The following IL1RAP variants were observed in gnomAD, a reference collection of about 807,000 sequenced individuals.
IL1RAP encodes the protein interleukin-1 receptor accessory protein.
IL1RAP carries 35 observed loss-of-function variants against 60.7 expected under a neutral mutation model. The ratio of observed to expected loss-of-function variants is 0.58; its 90% CI spans 0.44 to 0.76. The LOEUF (loss-of-function observed/expected upper bound fraction) is 0.76. Among genes scored for constraint, IL1RAP ranks in the 30% least tolerant of loss-of-function variants. The pLI, the probability that IL1RAP is intolerant of heterozygous loss-of-function variation, is 0.00. For synonymous variants in IL1RAP, 268 were observed against 250.9 expected, an observed-to-expected ratio of 1.07 and a Z score of -0.64; for missense variants, 572 against 693.9, an observed-to-expected ratio of 0.82 and a Z score of 1.97.
intron 3 of IL1RAP, among the ~76,000 whole-genome samples, chr3:190,601,825 G>C (rs1729888125): frequency 6.6e-6 from 1 of 151,994 alleles, no homozygotes; most frequent in African/African-American, 2.4e-5. Flanking sequence ...CCAGCTGCCA[G>C]CTGGGGTGTC....
At chr3:190,622,860 A>T (rs1410445713) in intron 6 of IL1RAP, among the ~76,000 whole-genome samples, 1 of 152,088 alleles carries the variant, frequency 6.6e-6, no homozygotes, top group Admixed American at 6.5e-5. Flanking sequence ...ACACTCCCAA[A>T]CTTCCAGGGA....
intron 9 of IL1RAP, among the ~76,000 whole-genome samples, chr3:190,634,430 A>G (rs1733031779): frequency 6.6e-6 from 1 of 151,496 alleles, no homozygotes; most frequent in Non-Finnish European, 1.5e-5. Flanking sequence ...CTGGGATTAG[A>G]GGCACCCGCC....
At chr3:190,518,868 G>C (rs2108589159) in intron 1 of IL1RAP, 1 of 152,372 alleles carries the variant, frequency 6.6e-6, no homozygotes, top group Non-Finnish European at 1.5e-5. Flanking sequence ...AATTATGGGA[G>C]CTACAAGATG....
intron 9 of IL1RAP, among the ~76,000 whole-genome samples, chr3:190,642,907 T>TA (rs1733761606): frequency 2.0e-5 from 3 of 152,160 alleles, no homozygotes; most frequent in African/African-American, 7.2e-5. Flanking sequence ...ATACTGTTCC[T>TA]CCTTCAAACA....
intron 8 of IL1RAP, 43 bp from the exon 9 acceptor site, chr3:190,629,307 G>T (rs778304059): frequency 7.1e-6 from 10 of 1,418,264 alleles, no homozygotes; most frequent in Non-Finnish European, 9.8e-6. Context: ...CATAGCTCTT[G>T]AGTCACTCTC....
Position 190,650,293 on chromosome 3 carries a change from T to C in IL1RAP, c.*1588T>C. 1.0e-6 allele frequency: 1 copy of C among 985,182 alleles called. No homozygotes were observed. 61.0% of individuals were successfully genotyped at this position (985,182 alleles called of 1,614,324 possible). On this transcript the variant is annotated 3_prime_UTR_variant, in exon 12 of 12. Transcript: ENST00000447382. ...TAAGTTTATATAAATAACTTAAGTA[T>C]TGCTACAGTTTATCTAGGTTGCAGT...
chr3:190,581,082 G>C (rs1025208952), intron 3 of IL1RAP, among the ~76,000 whole-genome samples: 2 of 152,142 alleles, frequency 1.3e-5, no homozygotes, highest in Admixed American at 1.3e-4. Flanking sequence ...TCAGTAAAGT[G>C]GCATTCGAGT....
intron 1 of IL1RAP, among the ~76,000 whole-genome samples, chr3:190,514,802 T>G (rs1721364589): frequency 6.6e-6 from 1 of 152,288 alleles, no homozygotes; most frequent in Non-Finnish European, 1.5e-5. Flanking sequence ...CGGGCGCCAG[T>G]GACCTCCTAT....
At chr3:190,599,648 ATTTTGTT>A (rs369990292) in intron 3 of IL1RAP, among the ~76,000 whole-genome samples, 5 of 144,270 alleles carry the variant, frequency 3.5e-5, no homozygotes, top group African/African-American at 1.3e-4. Flanking sequence ...CAGTTCTCAG[ATTTTGTT>A]TTTTTTCTGT....
intron 1 of IL1RAP, among the ~76,000 whole-genome samples, chr3:190,531,211 A>G (rs1337975209): frequency 6.6e-6 from 1 of 152,088 alleles, no homozygotes; most frequent in African/African-American, 2.4e-5. Flanking sequence ...GGACTGTGCC[A>G]CCGTACTCTA....
intron 9 of IL1RAP, among the ~76,000 whole-genome samples, chr3:190,643,103 G>A (rs1205613516): frequency 6.6e-6 from 1 of 152,086 alleles, no homozygotes; most frequent in East Asian, 1.9e-4. Context: ...GACTGTAAAG[G>A]TATAGTTAAT....
chr3:190,515,009 A>G (rs1396846593), intron 1 of IL1RAP, among the ~76,000 whole-genome samples: 1 of 152,204 alleles, frequency 6.6e-6, no homozygotes, highest in Non-Finnish European at 1.5e-5. Flanking sequence ...TTCCTTTAAG[A>G]GCTAGCCCAC....
intron 1 of IL1RAP, among the ~76,000 whole-genome samples, chr3:190,543,709 A>C (rs1724135562): frequency 6.6e-6 from 1 of 152,178 alleles, no homozygotes; most frequent in Non-Finnish European, 1.5e-5. Context: ...GATCTGTAGC[A>C]ATATCTCTAT....
chr3:190,543,716 C>A (rs1724136120), intron 1 of IL1RAP, among the ~76,000 whole-genome samples: 1 of 152,096 alleles, frequency 6.6e-6, no homozygotes, highest in Non-Finnish European at 1.5e-5. Flanking sequence ...AGCAATATCT[C>A]TATTTGTACC....
At chr3:190,581,237 G>T (rs181952976) in intron 3 of IL1RAP, among the ~76,000 whole-genome samples, 47 of 152,176 alleles carry the variant, frequency 3.1e-4, no homozygotes, top group Non-Finnish European at 6.0e-4. Flanking sequence ...CCTGGTTTCC[G>T]TATGACTCTC....
chr3:190,561,189 C>CA (rs1453477837), intron 2 of IL1RAP, among the ~76,000 whole-genome samples: 1 of 152,158 alleles, frequency 6.6e-6, no homozygotes, highest in African/African-American at 2.4e-5. Flanking sequence ...AGCACCCTCT[C>CA]ACTCTAAGAC....
At chr3:190,543,675 TA>T (rs1724132618) in intron 1 of IL1RAP, among the ~76,000 whole-genome samples, 1 of 151,770 alleles carries the variant, frequency 6.6e-6, no homozygotes, top group Admixed American at 6.6e-5. Context: ...AAGAGATGAG[TA>T]AAGGGGAAGG....
chr3:190,573,065 G>GT (rs369107121), intron 3 of IL1RAP, among the ~76,000 whole-genome samples: 27,419 of 60,058 alleles, frequency 0.46, 8,342 homozygotes, highest in Middle Eastern at 0.65. Context: ...GGGTTTCACC[G>GT]TTTTAGCCGG....
At chr3:190,533,035 CT>C (rs1723126736) in intron 1 of IL1RAP, among the ~76,000 whole-genome samples, 1 of 152,158 alleles carries the variant, frequency 6.6e-6, no homozygotes, top group Non-Finnish European at 1.5e-5. Flanking sequence ...TCAAAAACCC[CT>C]AGTCTCCTAG....
Sources: gnomAD v4.1 joint callset for allele counts (sites outside exome capture counted in the v4.1 genomes callset) on GRCh38, gnomAD v4.1.1 for gene constraint, MANE v1.5 for transcripts, NCBI Gene and HGNC (gene_info 2026-07-23, HGNC 2026-07-21) for gene names.